The following CRYBG3 variants were observed in gnomAD, a reference collection of about 807,000 sequenced individuals.
CRYBG3 encodes the protein very large A-kinase anchor protein.
Under a neutral mutation model 244.2 loss-of-function variants are expected in CRYBG3, and 127 were observed. The observed-to-expected ratio is 0.52, with a 90% confidence interval of 0.45 to 0.60. CRYBG3 has a LOEUF of 0.60. Ranked by LOEUF, CRYBG3 falls within the 20% of genes least tolerant of loss-of-function variation. The pLI, the probability that CRYBG3 is intolerant of heterozygous loss-of-function variation, is 0.00. For synonymous variants in CRYBG3, 1,132 were observed against 1,195.8 expected (o/e 0.95, Z 1.10); for missense variants, 3,325 against 3,442.5 (o/e 0.97, Z 0.85).
intron 7 of CRYBG3, 100 bp from the exon 8 acceptor site, chr3:97,886,531 C>A: frequency 1.3e-6 from 1 of 797,788 alleles, no homozygotes; most frequent in Non-Finnish European, 1.8e-6. Flanking sequence ...AGAAATTCAA[C>A]TCAATAATGA....
Position 97,874,413 on chromosome 3 carries a change from A to G in CRYBG3, c.3219A>G (p.Ile1073Met). The change falls in exon 4 of 22, where the codon ATA becomes ATG. Residue 1073 changes from isoleucine to methionine, a missense_variant. Coordinates refer to ENST00000389622, the MANE Select transcript of CRYBG3 (RefSeq NM_153605.4). ...SSSYPEEVSM[I>M]VNSHKPQNNL... ...GTTACCCTGAAGAAGTTAGCATGAT[A>G]GTAAATTCACATAAGCCCCAAAATA... 1 of 1,534,940 alleles carries G rather than the reference A, an allele frequency of 6.5e-7. No individual in the cohort carries two copies. Among genetic ancestry groups the G allele is most frequent in the Non-Finnish European group, 8.7e-7 (1 of 1,146,530 alleles).
intron 4 of CRYBG3, 135 bp from the exon 5 acceptor site, chr3:97,879,569 C>G (rs867356154): frequency 3.3e-6 from 2 of 599,444 alleles, no homozygotes; most frequent in African/African-American, 3.8e-5. Context: ...TCACTTGTAT[C>G]GAGAGAAGCA....
At chr3:97,862,837 C>G (rs770076830) in intron 2 of CRYBG3, among the ~76,000 whole-genome samples, 1 of 152,106 alleles carries the variant, frequency 6.6e-6, no homozygotes, top group Non-Finnish European at 1.5e-5. Context: ...CCTAACACAT[C>G]AAACAATGCC....
intron 1 of CRYBG3, among the ~76,000 whole-genome samples, chr3:97,832,202 A>C (rs1476717357): frequency 6.6e-6 from 1 of 151,626 alleles, no homozygotes; most frequent in Non-Finnish European, 1.5e-5. Flanking sequence ...ATTAGAAAAA[A>C]AATACTTTAA....
chr3:97,924,723 C>CT (rs1477330605), intron 17 of CRYBG3, among the ~76,000 whole-genome samples: 2 of 152,206 alleles, frequency 1.3e-5, no homozygotes, highest in African/African-American at 4.8e-5. Context: ...CTACCTTCCT[C>CT]TTACAGGGAC....
At chr3:97,823,932 A>G (rs924932663) in intron 1 of CRYBG3, among the ~76,000 whole-genome samples, 2 of 152,158 alleles carry the variant, frequency 1.3e-5, no homozygotes, top group Admixed American at 1.3e-4. Context: ...TCCAGCAACT[A>G]GTTCCTTGTT....
chr3:97,874,141 T>C lies in CRYBG3; in HGVS notation c.2947T>C (p.Ser983Pro), dbSNP rs2039340943. The C allele has an allele frequency of 6.5e-7, 1 of 1,533,798 alleles. No individual in the cohort carries two copies. The highest frequency in any genetic ancestry group is 1.2e-5 in the South Asian group (1 of 83,334). Residue 983 changes from serine to proline, a missense_variant, in exon 4 of 22, where the codon TCA becomes CCA. Coordinates refer to ENST00000389622, the MANE Select transcript of CRYBG3 (RefSeq NM_153605.4). ...TGGGACTAAAAAGATTTCTGGTCAC[T>C]CAGAAATGGCGGAACTCAGCTTAAC... ...ICGTKKISGH[S>P]EMAELSLTNI...
At chr3:97,854,000 T>C (rs1005702054) in intron 2 of CRYBG3, among the ~76,000 whole-genome samples, 1 of 152,242 alleles carries the variant, frequency 6.6e-6, no homozygotes, top group African/African-American at 2.4e-5. Context: ...TTGATTTTTG[T>C]ATAAGGTGAG....
intron 17 of CRYBG3, among the ~76,000 whole-genome samples, chr3:97,919,008 C>T (rs2039956222): frequency 6.6e-6 from 1 of 152,102 alleles, no homozygotes; most frequent in African/African-American, 2.4e-5. Flanking sequence ...ATGAAGTTGA[C>T]AAAGTATATT....
At chr3:97,932,623 C>T (rs569462993) in intron 17 of CRYBG3, among the ~76,000 whole-genome samples, 2 of 152,044 alleles carry the variant, frequency 1.3e-5, no homozygotes, top group Non-Finnish European at 2.9e-5. Context: ...TCAGCCCACT[C>T]ATAGTCCTTA....
At chr3:97,900,356 AAAG>A (rs774901905) in intron 14 of CRYBG3, 94 bp from the exon 15 acceptor site, 9 of 761,438 alleles carry the variant, frequency 1.2e-5, no homozygotes, top group Non-Finnish European at 1.5e-5. Context: ...TCAAAAAAGA[AAAG>A]AAAAAAAAAT....
At position 97,872,902 on chromosome 3, in the gene CRYBG3, C is replaced by T; in HGVS notation, c.1708C>T (p.Leu570Phe). ...ATACTTTGAAACCAAAGCCAAAAAG[C>T]TTGATTTTAGGTCACATGATAAAAT... Reference protein sequence around the residue: ...DQYFETKAKKLDFRSHDKIPH... With the variant: ...DQYFETKAKKFDFRSHDKIPH... Residue 570 changes from leucine (L) to phenylalanine (F), a missense_variant, in exon 4 of 22, where the codon CTT becomes TTT. By Grantham distance (22) the Leu-to-Phe change is conservative. Around this residue, in one of 4 missense-constraint regions of CRYBG3, gnomAD observed 1,526 missense variants for 1,443.2 expected, o/e 1.06. Transcript: ENST00000389622. 6.5e-7 allele frequency: 1 copy of T among 1,530,240 alleles called. No individual in the cohort carries two copies. The highest frequency in any genetic ancestry group is 1.2e-5 in the South Asian group (1 of 82,376). 94.8% of individuals were successfully genotyped at this position (1,530,240 alleles called of 1,614,324 possible).
chr3:97,872,631 C>T lies in CRYBG3; in HGVS notation c.1437C>T (p.Thr479=). The T allele has an allele frequency of 3.3e-6, 5 of 1,535,830 alleles. No individual in the cohort carries two copies. The highest frequency in any genetic ancestry group is 2.0e-5 in the Admixed American group (1 of 50,974). Residue 479 remains threonine (T), a synonymous_variant, in exon 4 of 22, where the codon ACC becomes ACT. Coordinates refer to ENST00000389622, the MANE Select transcript of CRYBG3 (RefSeq NM_153605.4). ...AGAGTGAGTGTTCTGACAAGCAAAC[C>T]ATAGATAGCTCATCAAAGCAAGCTG... The part of the protein sequence containing the change: ...LPESECSDKQ[T]IDSSSKQAAT...
intron 1 of CRYBG3, among the ~76,000 whole-genome samples, chr3:97,826,401 T>G (rs6794173): frequency 0.03 from 4,547 of 152,274 alleles, 119 homozygotes; most frequent in African/African-American, 0.065. Flanking sequence ...AGTTATAACA[T>G]TTTTAAGTTT....
At chr3:97,824,574 A>G (rs2038553707) in intron 1 of CRYBG3, among the ~76,000 whole-genome samples, 1 of 152,122 alleles carries the variant, frequency 6.6e-6, no homozygotes, top group African/African-American at 2.4e-5. Context: ...AACCATAGGA[A>G]AATCTTTGTT....
In CRYBG3 at chr3:97,875,103, T is replaced by C; in HGVS notation, c.3909T>C (p.Asp1303=). 6.5e-7 allele frequency: 1 copy of C among 1,534,194 alleles called. No homozygotes were observed. The highest frequency in any genetic ancestry group is 8.7e-7 in the Non-Finnish European group (1 of 1,146,076). ...TGAATGTATCTTGTTTGTTAGAAGA[T>C]AAAGCTAGGGAATTAGTCAATGAGA... ...NSMNVSCLLE[D]KARELVNEII... Residue 1303 remains aspartate (D), a synonymous_variant, in exon 4 of 22, where the codon GAT becomes GAC. Coordinates refer to ENST00000389622, the MANE Select transcript of CRYBG3 (RefSeq NM_153605.4).
At chr3:97,898,086 G>C (rs184588699) in intron 12 of CRYBG3, among the ~76,000 whole-genome samples, 1 of 152,038 alleles carries the variant, frequency 6.6e-6, no homozygotes, top group Non-Finnish European at 1.5e-5. Flanking sequence ...CGGGCATGGT[G>C]GTGGGCACCT....
chr3:97,941,689 C>CAAAGT (rs1404186969), intron 20 of CRYBG3: 1 of 154,686 alleles, frequency 6.5e-6, no homozygotes, highest in African/African-American at 2.4e-5. Context: ...CTTTCATTTT[C>CAAAGT]AAAGTATACA....
chr3:97,928,221 A>T (rs1357521868), intron 17 of CRYBG3, among the ~76,000 whole-genome samples: 1 of 128,716 alleles, frequency 7.8e-6, no homozygotes, highest in Non-Finnish European at 1.9e-5. Flanking sequence ...GTGCAGCCAT[A>T]AAAAAAGCAG....
Sources: gnomAD v4.1 joint callset for allele counts (sites outside exome capture counted in the v4.1 genomes callset) on GRCh38, gnomAD v4.1.1 for gene constraint, gnomAD v4.1.1 regional missense constraint, MANE v1.5 for transcripts, NCBI Gene and HGNC (gene_info 2026-07-23, HGNC 2026-07-21) for gene names.